SYT14: variants seen among roughly 807,000 people sequenced by gnomAD.
SYT14 encodes the protein synaptotagmin-14.
In SYT14, 32 loss-of-function variants were observed where a neutral mutation model predicts 74.2. That is an observed-to-expected ratio of 0.43 (90% CI 0.33 to 0.58). SYT14 has a LOEUF of 0.58. Among genes scored for constraint, SYT14 ranks in the 20% least tolerant of loss-of-function variants. SYT14 has a pLI of 0.05. For synonymous variants in SYT14, 298 were observed against 337.7 expected, an observed-to-expected ratio of 0.88 and a Z score of 1.29; for missense variants, 791 against 981.8, an observed-to-expected ratio of 0.81 and a Z score of 2.60.
intron 5 of SYT14, among the ~76,000 whole-genome samples, chr1:210,047,931 A>G (rs2080916736): frequency 6.6e-6 from 1 of 152,110 alleles, no homozygotes; most frequent in Non-Finnish European, 1.5e-5. Context: ...TACATCAGGG[A>G]CCACATGATC....
chr1:210,156,439 C>A (rs890074458), intron 8 of SYT14, among the ~76,000 whole-genome samples: 7 of 151,894 alleles, frequency 4.6e-5, no homozygotes, highest in South Asian at 2.1e-4. Flanking sequence ...ATGGGCTTTG[C>A]TCTTACCAGG....
At chr1:210,062,723 A>G (rs538707920) in intron 5 of SYT14, among the ~76,000 whole-genome samples, 65 of 152,002 alleles carry the variant, frequency 4.3e-4, no homozygotes, top group Middle Eastern at 6.8e-3. Flanking sequence ...TCTAACTACA[A>G]TCTGTATCTT....
intron 2 of SYT14, among the ~76,000 whole-genome samples, chr1:209,967,750 G>A (rs2102738323): frequency 6.6e-6 from 1 of 152,072 alleles, no homozygotes; most frequent in East Asian, 1.9e-4. Flanking sequence ...GTGTTAAAGA[G>A]TTAGGTTTTT....
At chr1:210,027,666 T>C (rs2080443894) in intron 5 of SYT14, among the ~76,000 whole-genome samples, 1 of 152,096 alleles carries the variant, frequency 6.6e-6, no homozygotes, top group Non-Finnish European at 1.5e-5. Flanking sequence ...TAAGCTTTTT[T>C]CTTAATTTCA....
chr1:209,985,359 A>C (rs1209611765), intron 2 of SYT14, among the ~76,000 whole-genome samples: 1 of 152,234 alleles, frequency 6.6e-6, no homozygotes, highest in Non-Finnish European at 1.5e-5. Context: ...TAAATCTTAA[A>C]AGTTCCAAAT....
At chr1:209,983,196 T>C (rs1000501432) in intron 2 of SYT14, among the ~76,000 whole-genome samples, 7 of 152,182 alleles carry the variant, frequency 4.6e-5, no homozygotes, top group African/African-American at 1.7e-4. Flanking sequence ...GTTTTAAATT[T>C]TAAATTGAGA....
intron 8 of SYT14, among the ~76,000 whole-genome samples, chr1:210,158,452 A>G (rs2083310556): frequency 6.6e-6 from 1 of 152,186 alleles, no homozygotes; most frequent in Non-Finnish European, 1.5e-5. Flanking sequence ...CTAATAATTT[A>G]CTACATTTTT....
intron 5 of SYT14, among the ~76,000 whole-genome samples, chr1:210,092,063 A>T (rs1235077586): frequency 6.6e-6 from 1 of 152,236 alleles, no homozygotes; most frequent in Non-Finnish European, 1.5e-5. Flanking sequence ...CTAATTAAAT[A>T]TGTACTTTTA....
chr1:209,949,208 A>C (rs1423677860), intron 1 of SYT14, among the ~76,000 whole-genome samples: 1 of 152,204 alleles, frequency 6.6e-6, no homozygotes, highest in Non-Finnish European at 1.5e-5. Flanking sequence ...TACATTAAAA[A>C]ATTTACATTT....
At chr1:209,962,092 A>C (rs2102715799) in intron 2 of SYT14, among the ~76,000 whole-genome samples, 1 of 152,190 alleles carries the variant, frequency 6.6e-6, no homozygotes, top group African/African-American at 2.4e-5. Context: ...ATTATGTAAA[A>C]ATTATAATTG....
intron 7 of SYT14, among the ~76,000 whole-genome samples, chr1:210,139,735 G>A (rs1261911023): frequency 6.6e-6 from 1 of 152,096 alleles, no homozygotes; most frequent in African/African-American, 2.4e-5. Context: ...CATACAATAT[G>A]TGGCCTTTTG....
intron 5 of SYT14, among the ~76,000 whole-genome samples, chr1:210,093,136 C>T (rs1193618941): frequency 6.6e-6 from 1 of 151,710 alleles, no homozygotes; most frequent in East Asian, 1.9e-4. Context: ...AAATTGGGGC[C>T]TCTGAGCAAA....
intron 3 of SYT14, chr1:210,015,636 C>T (rs2080167270): frequency 6.3e-6 from 1 of 159,086 alleles, no homozygotes; most frequent in Admixed American, 6.5e-5. Context: ...TGTTAATAAG[C>T]AAACTAAAAG....
chr1:209,978,996 C>G (rs2079426382), intron 2 of SYT14, among the ~76,000 whole-genome samples: 2 of 152,226 alleles, frequency 1.3e-5, no homozygotes, highest in South Asian at 2.1e-4. Flanking sequence ...GCGTAGGACC[C>G]TCCGAGCCAG....
intron 2 of SYT14, among the ~76,000 whole-genome samples, chr1:209,954,836 G>A (rs549748256): frequency 4.7e-4 from 71 of 151,936 alleles, no homozygotes; most frequent in Non-Finnish European, 9.3e-4. Flanking sequence ...CTCCCAAGTA[G>A]CTGGGATTAC....
intron 5 of SYT14, among the ~76,000 whole-genome samples, chr1:210,031,210 T>C (rs553264945): frequency 3.3e-5 from 5 of 152,086 alleles, no homozygotes; most frequent in South Asian, 2.1e-4. Context: ...TTTTTCTTCT[T>C]CAGCCATATG....
At chr1:210,042,696 C>T (rs2080815241) in intron 5 of SYT14, among the ~76,000 whole-genome samples, 1 of 152,152 alleles carries the variant, frequency 6.6e-6, no homozygotes, top group African/African-American at 2.4e-5. Flanking sequence ...GGCCTCTGTT[C>T]TGTTCCATTG....
chr1:210,034,402 A>G (rs1487408544), intron 5 of SYT14, among the ~76,000 whole-genome samples: 2 of 151,700 alleles, frequency 1.3e-5, no homozygotes, highest in African/African-American at 2.4e-5. Context: ...CATGTTCATT[A>G]TAGAAAAATC....
intron 5 of SYT14, among the ~76,000 whole-genome samples, chr1:210,090,407 A>T (rs2081842837): frequency 6.7e-6 from 1 of 149,370 alleles, no homozygotes; most frequent in African/African-American, 2.5e-5. Context: ...AATATACATC[A>T]TTTTTTTTTT....
Sources: allele counts gnomAD v4.1 joint callset (sites outside exome capture counted in the v4.1 genomes callset), GRCh38; gene constraint gnomAD v4.1.1; transcripts MANE v1.5; gene names NCBI Gene and HGNC (gene_info 2026-07-23, HGNC 2026-07-21).